Variants in TMEM108 observed in about 807,000 individuals in gnomAD.
TMEM108 encodes transmembrane protein 108.
A neutral mutation model predicts 35.1 loss-of-function variants in TMEM108; 12 were observed. That is an observed-to-expected ratio of 0.34 (90% CI 0.22 to 0.55). TMEM108 has a LOEUF of 0.55. TMEM108 is among the 20% of genes least tolerant of loss of function. TMEM108 has a pLI of 0.89. For synonymous variants in TMEM108, 287 were observed against 308.6 expected, an observed-to-expected ratio of 0.93 and a Z score of 0.73; for missense variants, 680 against 753.3, an observed-to-expected ratio of 0.90 and a Z score of 1.14.
intron 3 of TMEM108, among the ~76,000 whole-genome samples, chr3:133,292,534 T>C (rs1947086931): frequency 6.6e-6 from 1 of 152,214 alleles, no homozygotes; most frequent in Admixed American, 6.5e-5. Context: ...TGCGTGGAAC[T>C]TGGAATTCTG....
chr3:133,250,233 C>G (rs527353596), intron 3 of TMEM108, among the ~76,000 whole-genome samples: 30 of 152,176 alleles, frequency 2.0e-4, no homozygotes, highest in Non-Finnish European at 4.0e-4. Context: ...TCTCCCATCT[C>G]TGCCACCCCT....
rs752408083 is a variant in TMEM108, at chr3:133,390,217, G to C, written c.1488G>C (p.Lys496Asn). 1 of 1,614,186 alleles carries C rather than the reference G, an allele frequency of 6.2e-7. No individual in the cohort carries two copies. Among genetic ancestry groups the C allele is most frequent in the South Asian group, 1.1e-5 (1 of 91,076 alleles). Residue 496 changes from lysine to asparagine, a missense_variant, in exon 5 of 6, where the codon AAG becomes AAC. By Grantham distance (94) the Lys-to-Asn change is moderately conservative. This residue lies in a region of TMEM108 where 105 missense variants were observed against 150.7 expected (regional missense o/e 0.70). Coordinates refer to ENST00000321871, the MANE Select transcript of TMEM108 (RefSeq NM_023943.4). The stretch of plus-strand genomic sequence containing the variant: ...CGGTGTGCTGCATGAAGAGGAAGAA[G>C]AAGACCGCCAACCCGGAGAACAACC... The part of the protein sequence containing the change: ...LLTVCCMKRK[K>N]KTANPENNLS...
intron 2 of TMEM108, among the ~76,000 whole-genome samples, chr3:133,161,388 G>A (rs1286620998): frequency 6.6e-6 from 1 of 152,044 alleles, no homozygotes; most frequent in Non-Finnish European, 1.5e-5. Flanking sequence ...TTTGTCTATT[G>A]TCTCTGTACT....
At chr3:133,325,602 G>T (rs1324429758) in intron 3 of TMEM108, among the ~76,000 whole-genome samples, 1 of 152,076 alleles carries the variant, frequency 6.6e-6, no homozygotes, top group Non-Finnish European at 1.5e-5. Flanking sequence ...TGTGCCAGCA[G>T]TCCTAGCTAC....
chr3:133,056,294 T>A (rs1459317733), intron 2 of TMEM108, among the ~76,000 whole-genome samples: 2 of 152,230 alleles, frequency 1.3e-5, no homozygotes, highest in Non-Finnish European at 2.9e-5. Flanking sequence ...CTCCTCCCTG[T>A]GTACAGTGCT....
intron 2 of TMEM108, among the ~76,000 whole-genome samples, chr3:133,161,095 C>G (rs1422670750): frequency 6.6e-6 from 1 of 152,130 alleles, no homozygotes; most frequent in Non-Finnish European, 1.5e-5. Flanking sequence ...TGAATAAAGC[C>G]CAAGCCTGCA....
intron 3 of TMEM108, among the ~76,000 whole-genome samples, chr3:133,255,822 C>T (rs968994780): frequency 1.3e-5 from 2 of 152,096 alleles, no homozygotes; most frequent in Non-Finnish European, 2.9e-5. Flanking sequence ...AACCCCATCT[C>T]TACTAAAAAT....
At chr3:133,185,747 T>C (rs2107808476) in intron 2 of TMEM108, among the ~76,000 whole-genome samples, 1 of 150,394 alleles carries the variant, frequency 6.6e-6, no homozygotes, top group East Asian at 2.0e-4. Flanking sequence ...GGCCAATGAA[T>C]TGGGGACCTT....
At chr3:133,183,164 A>G (rs1475840556) in intron 2 of TMEM108, among the ~76,000 whole-genome samples, 1 of 152,154 alleles carries the variant, frequency 6.6e-6, no homozygotes, top group African/African-American at 2.4e-5. Context: ...AGCATTTTGG[A>G]TTTCAGATTT....
At chr3:133,202,240 G>T (rs1945680104) in intron 2 of TMEM108, among the ~76,000 whole-genome samples, 1 of 152,100 alleles carries the variant, frequency 6.6e-6, no homozygotes, top group African/African-American at 2.4e-5. Context: ...CCATTCTGTA[G>T]GTTGCCTGTT....
chr3:133,382,272 T>C (rs1211696408), intron 4 of TMEM108, among the ~76,000 whole-genome samples: 1 of 152,214 alleles, frequency 6.6e-6, no homozygotes, highest in Non-Finnish European at 1.5e-5. Context: ...CCAGCTCTCC[T>C]GGGGGCCTAA....
At position 133,383,449 on chromosome 3, in the gene TMEM108, T is replaced by C. The variant is rs1378143111; in HGVS notation, c.1450+2288T>C. On this transcript the variant is annotated intron_variant, in intron 4 of 5. Coordinates refer to ENST00000321871, the MANE Select transcript of TMEM108 (RefSeq NM_023943.4). ...CAGTGCAGGATTTCCTGTGTGCCCATTGTGTGCCAGACACTGTGCCGAGCA... is the reference window on the plus strand; with the variant it reads ...CAGTGCAGGATTTCCTGTGTGCCCACTGTGTGCCAGACACTGTGCCGAGCA... Among the ~76,000 whole-genome samples the C allele has an allele frequency of 4.6e-5, 7 of 152,210 alleles. No individual in the cohort carries two copies. The South Asian group carries it at 8.3e-4, about 18-fold the overall frequency.
chr3:133,197,067 A>G (rs1945589014), intron 2 of TMEM108, among the ~76,000 whole-genome samples: 1 of 152,254 alleles, frequency 6.6e-6, no homozygotes, highest in African/African-American at 2.4e-5. Flanking sequence ...TGATGATAAC[A>G]AAAGTAAGAT....
chr3:133,079,454 T>C (rs1009158003), intron 2 of TMEM108, among the ~76,000 whole-genome samples: 1 of 152,096 alleles, frequency 6.6e-6, no homozygotes, highest in Non-Finnish European at 1.5e-5. Context: ...AAGTCCAAGA[T>C]CAAGGTGGCA....
Position 133,109,395 on chromosome 3 carries a change from A to G in TMEM108, c.-47+63375A>G, listed in dbSNP as rs2107723158. 1.3e-5 allele frequency among the ~76,000 whole-genome samples: 2 copies of G among 152,282 alleles called. 1 individual carries two copies. Among genetic ancestry groups the G allele is most frequent in the South Asian group, 4.1e-4 (2 of 4,820 alleles). On this transcript the variant is annotated intron_variant, in intron 2 of 5. Transcript: ENST00000321871. The stretch of plus-strand genomic sequence containing the variant: ...GTAATCCCAGCACTCAGGGAGACAG[A>G]AGTGGGAGGATAGCTTGAGCTCAGG...
intron 3 of TMEM108, among the ~76,000 whole-genome samples, chr3:133,306,768 T>A (rs7619504): frequency 0.34 from 52,007 of 152,066 alleles, 9,254 homozygotes; most frequent in East Asian, 0.48. Flanking sequence ...AGTCTATCAT[T>A]GATGGACGTT....
At chr3:133,124,997 T>A (rs1045069384) in intron 2 of TMEM108, 1 of 152,120 alleles carries the variant, frequency 6.6e-6, no homozygotes, top group Non-Finnish European at 1.5e-5. Context: ...GAAAATTATA[T>A]GGGGAGCTCT....
intron 3 of TMEM108, among the ~76,000 whole-genome samples, chr3:133,252,917 T>C (rs919526536): frequency 6.6e-6 from 1 of 152,190 alleles, no homozygotes; most frequent in African/African-American, 2.4e-5. Context: ...CAATTTTATA[T>C]AAAAGACTTG....
At chr3:133,133,760 G>A (rs1007796579) in intron 2 of TMEM108, among the ~76,000 whole-genome samples, 1 of 146,442 alleles carries the variant, frequency 6.8e-6, no homozygotes, top group Admixed American at 7.0e-5. Context: ...GTGCAATCTT[G>A]GCTCACTGCA....
Sources: gnomAD v4.1 joint callset for allele counts (sites outside exome capture counted in the v4.1 genomes callset) on GRCh38, gnomAD v4.1.1 for gene constraint, gnomAD v4.1.1 regional missense constraint, MANE v1.5 for transcripts, NCBI Gene and HGNC (gene_info 2026-07-23, HGNC 2026-07-21) for gene names.